Variants in CDH13 observed in about 807,000 individuals in gnomAD.
The protein encoded by CDH13 is cadherin-13.
In CDH13, 24 loss-of-function variants were observed where a neutral mutation model predicts 63.8. That is an observed-to-expected ratio of 0.38 (90% CI 0.27 to 0.53). The LOEUF is 0.53. Among genes scored for constraint, CDH13 ranks in the 20% least tolerant of loss-of-function variants. CDH13 has a pLI of 0.85. For synonymous variants in CDH13, 503 were observed against 355.3 expected (o/e 1.42, Z -4.67); for missense variants, 1,049 against 903.1 (o/e 1.16, Z -2.07).
intron 8 of CDH13, among the ~76,000 whole-genome samples, chr16:83,659,971 G>C (rs931211681): frequency 6.6e-6 from 1 of 151,890 alleles, no homozygotes; most frequent in African/African-American, 2.4e-5. Context: ...ATTTTTTGTA[G>C]AGACGGGATT....
intron 6 of CDH13, among the ~76,000 whole-genome samples, chr16:83,474,392 T>A (rs891996708): frequency 1.3e-5 from 2 of 152,154 alleles, no homozygotes; most frequent in African/African-American, 2.4e-5. Flanking sequence ...TCAGCTTCTA[T>A]CATTCCAAGG....
At chr16:83,050,301 C>T (rs1227365187) in intron 3 of CDH13, among the ~76,000 whole-genome samples, 1 of 152,222 alleles carries the variant, frequency 6.6e-6, no homozygotes, top group East Asian at 1.9e-4. Flanking sequence ...AACCACCCAA[C>T]TGTCCCCTAG....
At chr16:83,301,190 C>A (rs570220972) in intron 5 of CDH13, among the ~76,000 whole-genome samples, 1 of 151,792 alleles carries the variant, frequency 6.6e-6, no homozygotes, top group Admixed American at 6.6e-5. Flanking sequence ...CACCACCACG[C>A]CCGGCTAATT....
At chr16:83,424,832 C>A (rs2071839254) in intron 6 of CDH13, among the ~76,000 whole-genome samples, 1 of 152,150 alleles carries the variant, frequency 6.6e-6, no homozygotes, top group East Asian at 1.9e-4. Flanking sequence ...AGACAGGTAG[C>A]TCTTCGCAGC....
At chr16:83,042,093 C>G (rs746571335) in intron 3 of CDH13, among the ~76,000 whole-genome samples, 18 of 152,086 alleles carry the variant, frequency 1.2e-4, no homozygotes, top group South Asian at 6.2e-4. Flanking sequence ...GCCATGATGC[C>G]ATCTAACCTT....
At chr16:83,429,282 A>G (rs1048092946) in intron 6 of CDH13, among the ~76,000 whole-genome samples, 2 of 152,168 alleles carry the variant, frequency 1.3e-5, no homozygotes, top group Non-Finnish European at 2.9e-5. Context: ...CCAGAGCAGG[A>G]CACTCTTTGA....
intron 11 of CDH13, 40 bp from the exon 12 acceptor site, chr16:83,779,928 T>A: frequency 7.2e-7 from 1 of 1,386,124 alleles, no homozygotes; most frequent in Non-Finnish European, 1.0e-6. Flanking sequence ...TGCTCTCGCA[T>A]ATACCAGTTG....
At chr16:83,007,432 G>T (rs1913647515) in intron 2 of CDH13, among the ~76,000 whole-genome samples, 1 of 152,096 alleles carries the variant, frequency 6.6e-6, no homozygotes. Flanking sequence ...AACTCTTCAG[G>T]TTTTATCCAG....
chr16:83,389,791 A>C (rs1464727706), intron 6 of CDH13, among the ~76,000 whole-genome samples: 2 of 152,192 alleles, frequency 1.3e-5, no homozygotes, highest in Non-Finnish European at 2.9e-5. Flanking sequence ...TTGCCAGGTG[A>C]GTCTGAGTTT....
chr16:83,089,845 T>A (rs2033807677), intron 3 of CDH13, among the ~76,000 whole-genome samples: 1 of 152,132 alleles, frequency 6.6e-6, no homozygotes, highest in Non-Finnish European at 1.5e-5. Flanking sequence ...TACCTGAGGA[T>A]CTTGTAAAAA....
intron 10 of CDH13, among the ~76,000 whole-genome samples, chr16:83,692,534 C>T (rs1464897271): frequency 2.0e-5 from 3 of 152,198 alleles, no homozygotes; most frequent in Non-Finnish European, 4.4e-5. Flanking sequence ...CTTTCATGCC[C>T]ACTTCCCTGT....
intron 1 of CDH13, among the ~76,000 whole-genome samples, chr16:82,752,907 T>C (rs183186626): frequency 2.6e-5 from 4 of 152,366 alleles, no homozygotes; most frequent in African/African-American, 7.2e-5. Context: ...GTAGTACTTC[T>C]GCCATGCAGA....
At chr16:83,012,830 A>T (rs1264499486) in intron 2 of CDH13, among the ~76,000 whole-genome samples, 2 of 152,238 alleles carry the variant, frequency 1.3e-5, no homozygotes, top group Admixed American at 1.3e-4. Flanking sequence ...AAGTGTATTT[A>T]AAAAGTTAAG....
At chr16:83,350,753 C>T (rs1313253384) in intron 6 of CDH13, among the ~76,000 whole-genome samples, 6 of 152,144 alleles carry the variant, frequency 3.9e-5, no homozygotes, top group Non-Finnish European at 1.5e-5. Flanking sequence ...ATGGGAGGCT[C>T]ATCTCGGGAG....
intron 8 of CDH13, among the ~76,000 whole-genome samples, chr16:83,661,399 C>G (rs376224796): frequency 6.6e-6 from 1 of 151,560 alleles, no homozygotes; most frequent in Non-Finnish European, 1.5e-5. Context: ...ACAAGGATCA[C>G]TTGCACTTAG....
chr16:82,743,093 A>T (rs1205616025), intron 1 of CDH13, among the ~76,000 whole-genome samples: 1 of 152,168 alleles, frequency 6.6e-6, no homozygotes, highest in Non-Finnish European at 1.5e-5. Flanking sequence ...CGCCCACAAC[A>T]CCTTTTATTT....
At chr16:82,884,131 G>A in intron 2 of CDH13, 3 of 453,252 alleles carry the variant, frequency 6.6e-6, no homozygotes, top group Admixed American at 4.8e-5. Context: ...TTGAATGCAT[G>A]TCTGCATGCA....
At chr16:83,237,663 G>T (rs1426064245) in intron 5 of CDH13, among the ~76,000 whole-genome samples, 1 of 152,160 alleles carries the variant, frequency 6.6e-6, no homozygotes, top group African/African-American at 2.4e-5. Context: ...CATCACGTGG[G>T]CCTATGTTTT....
At chr16:83,455,223 A>G (rs553711655) in intron 6 of CDH13, among the ~76,000 whole-genome samples, 3 of 152,320 alleles carry the variant, frequency 2.0e-5, no homozygotes, top group South Asian at 2.1e-4. Context: ...AGTGAACAAT[A>G]CAACTTGGAC....
Sources: allele counts gnomAD v4.1 joint callset (sites outside exome capture counted in the v4.1 genomes callset), GRCh38; gene constraint gnomAD v4.1.1; transcripts MANE v1.5; gene names NCBI Gene and HGNC (gene_info 2026-07-23, HGNC 2026-07-21).